The following C19orf44 variants were observed in gnomAD, a reference collection of about 807,000 sequenced individuals.
C19orf44 encodes the protein uncharacterized protein C19orf44.
Under a neutral mutation model 50.7 loss-of-function variants are expected in C19orf44, and 43 were observed. That is an observed-to-expected ratio of 0.85 (90% CI 0.66 to 1.09). C19orf44 has a LOEUF of 1.09. Among genes scored for constraint, C19orf44 ranks in the 50% least tolerant of loss-of-function variants. The pLI is 0.00. For missense variants in C19orf44, 722 were observed against 836.2 expected, an observed-to-expected ratio of 0.86 and a Z score of 1.68; for synonymous variants, 298 against 334.7, an observed-to-expected ratio of 0.89 and a Z score of 1.20.
chr19:16,506,860 GAGGCAGGGTCTCACTATGTTGCCC>G, intron 4 of C19orf44, 86 bp downstream of exon 4: 1 of 984,432 alleles, frequency 1.0e-6, no homozygotes, highest in Non-Finnish European at 1.5e-6. Context: ...TTTAAAAATT[GAGGCAGGGTCTCACTATGTTGCCC>G]AGGCCGTCCT....
At chr19:16,517,123 G>T in intron 7 of C19orf44, 107 bp from the exon 8 acceptor site, 1 of 1,023,036 alleles carries the variant, frequency 9.8e-7, no homozygotes, top group East Asian at 2.5e-5. Flanking sequence ...GTCACTGACA[G>T]GAGCCTGCTG....
chr19:16,508,534 T>G (rs1466770925), intron 4 of C19orf44, among the ~76,000 whole-genome samples: 1 of 152,046 alleles, frequency 6.6e-6, no homozygotes, highest in Non-Finnish European at 1.5e-5. Flanking sequence ...ACTACAAGCG[T>G]GCACCCATGC....
Position 16,506,747 on chromosome 19 carries a change from CAGTG to C in C19orf44, c.1125_1128del (p.Ser375ArgfsTer86). ...CGCTTGACGGTCTGGCTCCAGCTGT[CAGTG>C]AGAACTCCGATTTGGAACAGGAAGT... On this transcript the variant is annotated frameshift_variant, in exon 4 of 9. Coordinates refer to ENST00000221671, the MANE Select transcript of C19orf44 (RefSeq NM_032207.4). LOFTEE classifies it high-confidence loss of function. 6.2e-7 allele frequency: 1 copy of C among 1,606,110 alleles called. No individual in the cohort carries two copies. Among genetic ancestry groups the C allele is most frequent in the Non-Finnish European group, 8.5e-7 (1 of 1,176,286 alleles).
Position 16,514,397 on chromosome 19 carries a change from A to AG in C19orf44, c.1736-100_1736-99insG, listed in dbSNP as rs1285479647. ...AGACCCTGTCTCCAGAAAAAAAAAA[A>AG]AAGATTTCAGAGAGCAGCCTGGCAC... is the stretch of plus-strand genomic sequence containing the variant. On this transcript the variant is annotated intron_variant, in intron 6 of 8. Transcript: ENST00000221671. The AG allele has an allele frequency of 7.0e-6, 9 of 1,280,590 alleles. No individual in the cohort carries two copies. The East Asian group carries it at 2.1e-4, about 30-fold the overall frequency. 79.3% of individuals were successfully genotyped at this position (1,280,590 alleles called of 1,614,324 possible). A position where few individuals can be genotyped will look rare whatever the true frequency, so the allele number is the denominator to read the frequency against.
In C19orf44 at chr19:16,520,086, A is replaced by C; in HGVS notation, c.*41-8A>C. On this transcript the variant is annotated splice_region_variant and splice_polypyrimidine_tract_variant and intron_variant, in intron 8 of 8. Transcript: ENST00000221671. The surrounding 1 kb of genome is among the most constrained non-coding windows in gnomAD (Gnocchi z 4.0). Reference sequence around the variant, plus strand: ...GTCTCCTAACCACCAATGTTTCCACATTCACAGCAAAGCACCGCAGCTTCC... The same window carrying C: ...GTCTCCTAACCACCAATGTTTCCACCTTCACAGCAAAGCACCGCAGCTTCC... 6.5e-7 allele frequency: 1 copy of C among 1,531,332 alleles called. No individual in the cohort carries two copies. The highest frequency in any genetic ancestry group is 1.7e-5 in the Admixed American group (1 of 57,952). 94.9% of individuals were successfully genotyped at this position (1,531,332 alleles called of 1,614,324 possible).
Position 16,520,303 on chromosome 19 carries a change from G to A in C19orf44, c.*250G>A. On this transcript the variant is annotated 3_prime_UTR_variant, in exon 9 of 9. Coordinates refer to ENST00000221671, the MANE Select transcript of C19orf44 (RefSeq NM_032207.4). This position sits in a 1 kb window ranked among gnomAD's most constrained non-coding sequence, Gnocchi z 4.0. ...GTGCCCAAGGGTCAGCAGCAGCCAG[G>A]CGTCGTGGGGAGGCCACAGGAAGAG... 2 of 1,611,400 alleles carry A rather than the reference G, an allele frequency of 1.2e-6. No individual in the cohort carries two copies. The highest frequency in any genetic ancestry group is 2.2e-5 in the South Asian group (2 of 90,836).
chr19:16,508,148 G>C (rs1339192468), intron 4 of C19orf44, among the ~76,000 whole-genome samples: 1 of 150,448 alleles, frequency 6.6e-6, no homozygotes, highest in Non-Finnish European at 1.5e-5. Flanking sequence ...CTGTCGCCCA[G>C]GCTGGGACTA....
rs776402055 is a variant in C19orf44, at chr19:16,501,229, A to G, written c.437A>G (p.Asn146Ser). ...SGGALELASQ[N>S]TDKTSQNQAR... Reference sequence around the variant, plus strand: ...GGTGCACTCGAACTCGCGTCCCAGAACACAGACAAAACTTCCCAGAATCAA... The same window carrying G: ...GGTGCACTCGAACTCGCGTCCCAGAGCACAGACAAAACTTCCCAGAATCAA... Residue 146 changes from asparagine to serine, a missense_variant, in exon 2 of 9, where the codon AAC becomes AGC. Coordinates refer to ENST00000221671, the MANE Select transcript of C19orf44 (RefSeq NM_032207.4). The G allele has an allele frequency of 7.4e-6, 12 of 1,614,066 alleles. No homozygotes were observed. Among genetic ancestry groups the G allele is most frequent in the Middle Eastern group, 1.6e-4 (1 of 6,084 alleles).
rs377201342 is a variant in C19orf44, at chr19:16,509,670, G to T, written c.1321G>T (p.Ala441Ser). Residue 441 changes from alanine to serine, a missense_variant, in exon 5 of 9, where the codon GCT (alanine) becomes TCT (serine). Ala to Ser is a moderately conservative substitution (Grantham distance 99). Transcript: ENST00000221671. ...CTCGGAGCATCTCAGTGCCAGCTCG[G>T]CTTCTGCCATCCAGCAGGACAGCAC... Reference protein sequence around the residue: ...EVSEHLSASSASAIQQDSTSS... With the variant: ...EVSEHLSASSSSAIQQDSTSS... 5 of 1,614,134 alleles carry T rather than the reference G, an allele frequency of 3.1e-6. No homozygotes were observed. The African/African-American group carries it at 6.7e-5, about 22-fold the overall frequency.
chr19:16,501,771 A>C (rs2093426258), intron 2 of C19orf44, among the ~76,000 whole-genome samples: 1 of 150,596 alleles, frequency 6.6e-6, no homozygotes, highest in Non-Finnish European at 1.5e-5. Context: ...TTATGTGTTT[A>C]GTAGAGATGG....
At chr19:16,513,209 C>A in intron 6 of C19orf44, 100 bp downstream of exon 6, 2 of 1,225,144 alleles carry the variant, frequency 1.6e-6, no homozygotes, top group Non-Finnish European at 2.3e-6. Context: ...CCCTTGCATG[C>A]TGGCTTCCAG....
At position 16,496,434 on chromosome 19, in the gene C19orf44, G is replaced by A. The variant is rs1261445079; in HGVS notation, c.-33G>A. ...CGCTCCTTCAGGCGTGAATGTGGCG[G>A]CTGCCTCTGCGAATGGACGGCGTGG... is the stretch of plus-strand genomic sequence containing the variant. On this transcript the variant is annotated 5_prime_UTR_variant, in exon 1 of 9. Transcript: ENST00000221671. The A allele has an allele frequency of 5.7e-5, 22 of 387,830 alleles. No homozygotes were observed. Among genetic ancestry groups the A allele is most frequent in the Non-Finnish European group, 3.9e-5 (8 of 206,678 alleles). The allele number at this position is 387,830 out of a possible 1,614,324, so 24.0% of individuals were successfully genotyped here.
At chr19:16,517,180 G>A (rs1420098400) in intron 7 of C19orf44, 50 bp from the exon 8 acceptor site, 16 of 1,543,498 alleles carry the variant, frequency 1.0e-5, no homozygotes, top group Non-Finnish European at 1.4e-5. Flanking sequence ...CTGTCTCAGA[G>A]TGTACTGAGG....
intron 6 of C19orf44, among the ~76,000 whole-genome samples, chr19:16,513,812 C>T (rs1300186168): frequency 6.6e-6 from 1 of 152,200 alleles, no homozygotes; most frequent in African/African-American, 2.4e-5. Context: ...CCCTTGCCTC[C>T]TGGGCTGAGT....
chr19:16,517,950 A>C (rs2085560342), intron 8 of C19orf44: 1 of 152,292 alleles, frequency 6.6e-6, no homozygotes, highest in Non-Finnish European at 1.5e-5. Context: ...AGAAATTACT[A>C]ACAGCACGTG....
intron 3 of C19orf44, 150 bp downstream of exon 3, chr19:16,503,530 T>G: frequency 1.3e-6 from 1 of 791,850 alleles, no homozygotes; most frequent in Non-Finnish European, 2.0e-6. Context: ...TCTTGTCTGG[T>G]TGAGGGGCCA....
chr19:16,506,843 T>TA, intron 4 of C19orf44, 69 bp downstream of exon 4: 2 of 1,189,826 alleles, frequency 1.7e-6, no homozygotes, highest in Non-Finnish European at 2.4e-6. Context: ...TTTAAATTTT[T>TA]AAAAAATTTA....
In C19orf44 at chr19:16,520,274, A is replaced by AT; in HGVS notation, c.*221_*222insT. On this transcript the variant is annotated 3_prime_UTR_variant, in exon 9 of 9. Coordinates refer to ENST00000221671, the MANE Select transcript of C19orf44 (RefSeq NM_032207.4). The surrounding 1 kb of genome is among the most constrained non-coding windows in gnomAD (Gnocchi z 4.0). ...GCGACCTGCTCCGACTTCTGCAGGG[A>AT]AGGGTGCCCAAGGGTCAGCAGCAGC... is the stretch of plus-strand genomic sequence containing the variant. 4 of 1,612,810 alleles carry AT rather than the reference A, an allele frequency of 2.5e-6. No homozygotes were observed. The highest frequency in any genetic ancestry group is 3.4e-6 in the Non-Finnish European group (4 of 1,179,752).
intron 3 of C19orf44, 38 bp from the exon 4 acceptor site, chr19:16,506,663 A>G: frequency 7.5e-7 from 1 of 1,326,186 alleles, no homozygotes; most frequent in South Asian, 1.4e-5. Context: ...TAAATAAGAG[A>G]GTAAATGTAA....
Sources: gnomAD v4.1 joint callset for allele counts (sites outside exome capture counted in the v4.1 genomes callset) on GRCh38, gnomAD v4.1.1 for gene constraint, Gnocchi (gnomAD v3.1) non-coding constraint, MANE v1.5 for transcripts, NCBI Gene and HGNC (gene_info 2026-07-23, HGNC 2026-07-21) for gene names.